RMC1: variants seen among roughly 807,000 people sequenced by gnomAD.
The protein encoded by RMC1 is regulator of MON1-CCZ1 complex.
In RMC1, 44 loss-of-function variants were observed where a neutral mutation model predicts 95.5. The ratio of observed to expected loss-of-function variants is 0.46; its 90% CI spans 0.36 to 0.59. The LOEUF (loss-of-function observed/expected upper bound fraction) is 0.59, where lower values mean the gene tolerates loss of function less well. RMC1 is among the 20% of genes least tolerant of loss of function. The pLI is 0.00. For missense variants in RMC1, 705 were observed against 819.6 expected, an observed-to-expected ratio of 0.86 and a Z score of 1.71; for synonymous variants, 320 against 303.6, an observed-to-expected ratio of 1.05 and a Z score of -0.56.
chr18:23,515,379 A>T (rs1359759722), intron 5 of RMC1, among the ~76,000 whole-genome samples: 6 of 152,166 alleles, frequency 3.9e-5, no homozygotes, highest in Admixed American at 3.9e-4. Flanking sequence ...AGAGTAAATG[A>T]GTTAGGAGGC....
rs749537209 is a variant in RMC1 at position 23,507,050 on chromosome 18, C to A, written c.260C>A (p.Thr87Asn). The change falls in exon 3 of 20, where the codon ACT (threonine) becomes AAT (asparagine). Residue 87 changes from threonine (T) to asparagine (N), a missense_variant. Thr to Asn is a moderately conservative substitution (Grantham distance 65, BLOSUM62 0). Coordinates refer to ENST00000269221, the MANE Select transcript of RMC1 (RefSeq NM_013326.5). ...KILAVQRTSKTVDFCNFIPDN... is the reference protein window; with the variant it reads ...KILAVQRTSKNVDFCNFIPDN... ...TTGGCTGTTCAGAGGACCTCAAAGA[C>A]TGTGGTAAGACTTATCTTTAAAATA... The A allele has an allele frequency of 6.3e-7, 1 of 1,597,754 alleles. No homozygotes were observed. The highest frequency in any genetic ancestry group is 1.7e-5 in the Admixed American group (1 of 58,488).
At chr18:23,516,223 C>A in intron 6 of RMC1, 97 bp from the exon 7 acceptor site, 3 of 1,443,776 alleles carry the variant, frequency 2.1e-6, no homozygotes, top group South Asian at 2.3e-5. Context: ...GATCCAAAGA[C>A]GAAGTCTGTG....
intron 12 of RMC1, among the ~76,000 whole-genome samples, chr18:23,525,588 CTAA>C (rs2058274862): frequency 6.6e-6 from 1 of 152,124 alleles, no homozygotes; most frequent in South Asian, 2.1e-4. Flanking sequence ...CCACACCCAG[CTAA>C]TTTTTGTATT....
At chr18:23,516,496 C>T in intron 7 of RMC1, 73 bp downstream of exon 7, 3 of 1,496,828 alleles carry the variant, frequency 2.0e-6, no homozygotes, top group Middle Eastern at 3.4e-4. Context: ...GAGTGTGTTA[C>T]AAGCACCACG....
chr18:23,523,685 G>A (rs1243904853), intron 10 of RMC1, among the ~76,000 whole-genome samples: 2 of 151,754 alleles, frequency 1.3e-5, no homozygotes, highest in Non-Finnish European at 1.5e-5. Context: ...ATCAACTACT[G>A]CACTCAAGCC....
At chr18:23,505,009 C>G (rs1339261841) in intron 2 of RMC1, among the ~76,000 whole-genome samples, 1 of 152,010 alleles carries the variant, frequency 6.6e-6, no homozygotes, top group Non-Finnish European at 1.5e-5. Flanking sequence ...TAATGTAGGC[C>G]CTCAATTCAG....
At chr18:23,529,042 T>C in intron 14 of RMC1, 137 bp from the exon 15 acceptor site, 1 of 1,399,320 alleles carries the variant, frequency 7.1e-7, no homozygotes, top group Admixed American at 2.4e-5. Flanking sequence ...CAGGAAAAAG[T>C]TGTATCTAAG....
intron 17 of RMC1, 33 bp from the exon 18 acceptor site, chr18:23,530,193 CTTT>C (rs1329366055): frequency 2.5e-6 from 4 of 1,613,598 alleles, no homozygotes; most frequent in Non-Finnish European, 3.4e-6. Flanking sequence ...TAACCGTTAT[CTTT>C]CCAACTGAAG....
At chr18:23,517,345 T>C (rs1412389110) in intron 7 of RMC1, among the ~76,000 whole-genome samples, 1 of 152,104 alleles carries the variant, frequency 6.6e-6, no homozygotes, top group East Asian at 1.9e-4. Flanking sequence ...AGACAGGGTT[T>C]CACCATGTTG....
intron 9 of RMC1, among the ~76,000 whole-genome samples, chr18:23,519,851 T>C (rs1381574860): frequency 6.6e-6 from 1 of 150,514 alleles, no homozygotes; most frequent in East Asian, 1.9e-4. Flanking sequence ...GGGCCTCTGA[T>C]ATAAAGAAGC....
chr18:23,517,917 C>G (rs909651676), intron 7 of RMC1, among the ~76,000 whole-genome samples: 2 of 152,068 alleles, frequency 1.3e-5, no homozygotes, highest in Non-Finnish European at 2.9e-5. Context: ...GGAGTTTCAC[C>G]ATGTTGCCCA....
At chr18:23,513,056 C>T (rs1234513029) in intron 5 of RMC1, among the ~76,000 whole-genome samples, 3 of 152,026 alleles carry the variant, frequency 2.0e-5, no homozygotes, top group Admixed American at 6.6e-5. Context: ...TGGGTTCAGG[C>T]GATTCTCCTG....
At chr18:23,510,682 A>G (rs1416009003) in intron 5 of RMC1, among the ~76,000 whole-genome samples, 1 of 152,228 alleles carries the variant, frequency 6.6e-6, no homozygotes, top group African/African-American at 2.4e-5. Flanking sequence ...ATGAGCAGAC[A>G]CTTTTTAAAA....
At chr18:23,525,805 T>A (rs2058282804) in intron 12 of RMC1, among the ~76,000 whole-genome samples, 1 of 152,174 alleles carries the variant, frequency 6.6e-6, no homozygotes, top group Non-Finnish European at 1.5e-5. Context: ...TATTAGAGAA[T>A]CTCCTATGTT....
At chr18:23,522,466 T>C (rs1158162376) in intron 10 of RMC1, 1 of 152,180 alleles carries the variant, frequency 6.6e-6, no homozygotes, top group Non-Finnish European at 1.5e-5. Context: ...CTTAAAACAT[T>C]ATGAGATTTT....
chr18:23,515,119 G>A (rs1396458991), intron 5 of RMC1, among the ~76,000 whole-genome samples: 5 of 152,128 alleles, frequency 3.3e-5, no homozygotes, highest in Non-Finnish European at 5.9e-5. Flanking sequence ...TTAACACATG[G>A]GGTCCTGGAG....
intron 10 of RMC1, among the ~76,000 whole-genome samples, 159 bp from the exon 11 acceptor site, chr18:23,523,971 C>G (rs1013469802): frequency 6.6e-6 from 1 of 152,142 alleles, no homozygotes; most frequent in African/African-American, 2.4e-5. Flanking sequence ...CCTCCCCGTA[C>G]GTGCTTTCAG....
Position 23,516,259 on chromosome 18 carries a change from G to A in RMC1, c.550-61G>A. On this transcript the variant is annotated intron_variant, in intron 6 of 19. Coordinates refer to ENST00000269221, the MANE Select transcript of RMC1 (RefSeq NM_013326.5). ...TTTATCCTTGTTGGTTTTACACAGG[G>A]AATGATGAAACATTGAAGGGGTTTA... is the stretch of plus-strand genomic sequence containing the variant. The A allele has an allele frequency of 2.6e-6, 4 of 1,557,154 alleles. No homozygotes were observed. In the South Asian group the frequency reaches 4.5e-5, roughly 17 times the overall value.
chr18:23,528,989 C>T, intron 14 of RMC1, 190 bp from the exon 15 acceptor site: 1 of 851,218 alleles, frequency 1.2e-6, no homozygotes, highest in South Asian at 1.9e-5. Flanking sequence ...AAGGGATTCT[C>T]CTGCCTCAGC....
Sources: gnomAD v4.1 joint callset for allele counts (sites outside exome capture counted in the v4.1 genomes callset) on GRCh38, gnomAD v4.1.1 for gene constraint, MANE v1.5 for transcripts, NCBI Gene and HGNC (gene_info 2026-07-23, HGNC 2026-07-21) for gene names.